PKHD1: variants seen among roughly 807,000 people sequenced by gnomAD.
The protein encoded by PKHD1 is PKHD1 ciliary IPT domain containing fibrocystin/polyductin.
A neutral mutation model predicts 412.0 loss-of-function variants in PKHD1; 291 were observed. That is an observed-to-expected ratio of 0.71 (90% CI 0.64 to 0.78). The LOEUF (loss-of-function observed/expected upper bound fraction) is 0.78, where lower values mean the gene tolerates loss of function less well. PKHD1 is among the 30% of genes least tolerant of loss of function. The pLI is 0.00. For missense variants in PKHD1, 4,825 were observed against 4,950.7 expected (o/e 0.97, Z 0.76); for synonymous variants, 1,777 against 1,821.5 (o/e 0.98, Z 0.62).
chr6:52,007,384 G>C (rs1021452072), intron 35 of PKHD1, among the ~76,000 whole-genome samples: 1 of 152,170 alleles, frequency 6.6e-6, no homozygotes, highest in Non-Finnish European at 1.5e-5. Context: ...CAGGGACCTG[G>C]ATTGTAGTCC....
intron 31 of PKHD1, 134 bp from the exon 32 acceptor site, chr6:52,026,315 C>T (rs1802179702): frequency 3.6e-6 from 3 of 824,986 alleles, no homozygotes; most frequent in African/African-American, 1.7e-5. Context: ...TATTTTTTCT[C>T]ACCCCCACCA....
intron 50 of PKHD1, among the ~76,000 whole-genome samples, chr6:51,838,899 G>A (rs1350857835): frequency 6.6e-6 from 1 of 152,186 alleles, no homozygotes; most frequent in Non-Finnish European, 1.5e-5. Context: ...AGAAAAGATA[G>A]AATAGTCCAT....
At chr6:51,773,940 C>T (rs989200182) in intron 54 of PKHD1, among the ~76,000 whole-genome samples, 13 of 151,710 alleles carry the variant, frequency 8.6e-5, no homozygotes, top group African/African-American at 7.2e-5. Context: ...ATTTTCAGGA[C>T]GTGTCCTGAA....
chr6:51,663,293 T>C (rs1773164087), intron 60 of PKHD1, among the ~76,000 whole-genome samples: 1 of 152,144 alleles, frequency 6.6e-6, no homozygotes, highest in Admixed American at 6.6e-5. Flanking sequence ...TTCCATCCAA[T>C]TTTATAAATC....
At chr6:51,938,291 C>T (rs528608013) in intron 36 of PKHD1, among the ~76,000 whole-genome samples, 4 of 152,298 alleles carry the variant, frequency 2.6e-5, no homozygotes, top group Admixed American at 1.3e-4. Context: ...GTGACCTGCA[C>T]GTATACATCC....
At chr6:51,835,904 AAAAC>A (rs1169004037) in intron 51 of PKHD1, among the ~76,000 whole-genome samples, 1 of 152,252 alleles carries the variant, frequency 6.6e-6, no homozygotes, top group African/African-American at 2.4e-5. Flanking sequence ...AGAATAAACA[AAAAC>A]AAACAATGAA....
At chr6:52,032,589 G>A (rs1803223993) in intron 29 of PKHD1, among the ~76,000 whole-genome samples, 1 of 152,098 alleles carries the variant, frequency 6.6e-6, no homozygotes, top group Non-Finnish European at 1.5e-5. Context: ...TAAGTACTTG[G>A]TATATACAAA....
At chr6:52,080,928 C>T (rs1296821050) in intron 4 of PKHD1, among the ~76,000 whole-genome samples, 3 of 151,992 alleles carry the variant, frequency 2.0e-5, no homozygotes, top group South Asian at 2.1e-4. Context: ...TTTTAAATTA[C>T]ATTTGTGTTC....
chr6:51,971,151 G>A (rs569679256), intron 35 of PKHD1, among the ~76,000 whole-genome samples: 15 of 152,146 alleles, frequency 9.9e-5, no homozygotes, highest in African/African-American at 1.4e-4. Flanking sequence ...AAATATATTC[G>A]TAAGTATTTT....
intron 52 of PKHD1, among the ~76,000 whole-genome samples, chr6:51,791,858 A>G (rs558778730): frequency 6.6e-5 from 10 of 152,320 alleles, no homozygotes; most frequent in African/African-American, 2.4e-4. Flanking sequence ...GAATGGGAAT[A>G]ATACTAAAAA....
chr6:51,993,859 A>G (rs1245163921), intron 35 of PKHD1, among the ~76,000 whole-genome samples: 2 of 152,220 alleles, frequency 1.3e-5, no homozygotes, highest in Non-Finnish European at 2.9e-5. Context: ...CTTCAGAGGT[A>G]AGACAGAATC....
At chr6:51,807,458 A>AAAAAT (rs1332349363) in intron 52 of PKHD1, among the ~76,000 whole-genome samples, 34 of 49,674 alleles carry the variant, frequency 6.8e-4, no homozygotes, top group African/African-American at 1.8e-3. Flanking sequence ...AAAAAAAAAA[A>AAAAAT]ATATATATAT....
intron 48 of PKHD1, among the ~76,000 whole-genome samples, chr6:51,865,648 G>A (rs1278373767): frequency 6.6e-6 from 1 of 152,182 alleles, no homozygotes; most frequent in Non-Finnish European, 1.5e-5. Context: ...GGTTGAAAGT[G>A]AAGACAGCAG....
At chr6:51,974,327 T>A (rs1039327420) in intron 35 of PKHD1, among the ~76,000 whole-genome samples, 13 of 152,224 alleles carry the variant, frequency 8.5e-5, no homozygotes, top group Non-Finnish European at 1.6e-4. Context: ...ATACTCAGCC[T>A]CTCTCAAGTC....
chr6:51,934,301 G>A lies in PKHD1; in HGVS notation c.5930C>T (p.Ala1977Val). ...TGCCCTGAGCTCGATGGGTCCTGGG[G>A]CCATGAAAATCAGCTTGCCCCCTAA... is the stretch of plus-strand genomic sequence containing the variant. Reference protein sequence around the residue: ...HIKGGKLIFMAPGPIELRAHA... With the variant: ...HIKGGKLIFMVPGPIELRAHA... The change falls in exon 37 of 67, where the codon GCC becomes GTC. Residue 1977 changes from alanine (A) to valine (V), a missense_variant. By Grantham distance (64) the Ala-to-Val change is moderately conservative (BLOSUM62 0). Coordinates refer to ENST00000371117, the MANE Select transcript of PKHD1 (RefSeq NM_138694.4). 1 of 1,612,378 alleles carries A rather than the reference G, an allele frequency of 6.2e-7. No homozygotes were observed. Among genetic ancestry groups the A allele is most frequent in the Non-Finnish European group, 8.5e-7 (1 of 1,179,584 alleles).
intron 8 of PKHD1, among the ~76,000 whole-genome samples, chr6:52,071,386 T>C (rs1165028355): frequency 2.0e-5 from 3 of 151,904 alleles, no homozygotes; most frequent in Non-Finnish European, 4.4e-5. Flanking sequence ...AAAAATCTGT[T>C]ATCAAGTATG....
intron 35 of PKHD1, among the ~76,000 whole-genome samples, chr6:51,990,588 C>T (rs1179915071): frequency 6.6e-6 from 1 of 152,152 alleles, no homozygotes; most frequent in Non-Finnish European, 1.5e-5. Flanking sequence ...AATCAAAACA[C>T]TTTTGTTCCT....
chr6:52,058,718 T>A, intron 15 of PKHD1, 117 bp from the exon 16 acceptor site: 2 of 1,001,344 alleles, frequency 2.0e-6, no homozygotes, highest in African/African-American at 1.6e-5. Flanking sequence ...TCTGCCTTTT[T>A]AACATATTAA....
chr6:51,773,722 A>G (rs1790529918), intron 54 of PKHD1, among the ~76,000 whole-genome samples: 2 of 151,666 alleles, frequency 1.3e-5, no homozygotes, highest in Non-Finnish European at 3.0e-5. Flanking sequence ...ATCAGAAAAC[A>G]TAGAAATAAA....
Sources: allele counts gnomAD v4.1 joint callset (sites outside exome capture counted in the v4.1 genomes callset), GRCh38; gene constraint gnomAD v4.1.1; transcripts MANE v1.5; gene names NCBI Gene and HGNC (gene_info 2026-07-23, HGNC 2026-07-21).